VCAN: variants seen among roughly 807,000 people sequenced by gnomAD.
VCAN encodes the protein versican core protein.
A neutral mutation model predicts 245.5 loss-of-function variants in VCAN; 44 were observed. That is an observed-to-expected ratio of 0.18 (90% CI 0.14 to 0.23). The LOEUF (loss-of-function observed/expected upper bound fraction) is 0.23, where lower values mean the gene tolerates loss of function less well. VCAN is among the 10% of genes least tolerant of loss of function. The pLI is 1.00. For missense variants in VCAN, 3,793 were observed against 4,057.9 expected (o/e 0.93, Z 1.77); for synonymous variants, 1,413 against 1,437.0 (o/e 0.98, Z 0.38).
Position 83,538,080 on chromosome 5 carries a change from T to G in VCAN, c.5077T>G (p.Ser1693Ala). The G allele has an allele frequency of 6.2e-7, 1 of 1,614,090 alleles. No homozygotes were observed. The highest frequency in any genetic ancestry group is 1.7e-5 in the Admixed American group (1 of 59,994). ...TCCTGCAACCACCATTTATCCAGTT[T>G]CTGAACAACCTTCTGCAAAAGTGGT... ...EVPATTIYPVSEQPSAKVVPT... is the reference protein window; with the variant it reads ...EVPATTIYPVAEQPSAKVVPT... Residue 1693 changes from serine (S) to alanine (A), a missense_variant, in exon 8 of 15, where the codon TCT becomes GCT. Transcript: ENST00000265077.
Position 83,540,423 on chromosome 5 carries a change from G to T in VCAN, c.7420G>T (p.Ala2474Ser). The T allele has an allele frequency of 6.2e-7, 1 of 1,613,996 alleles. No individual in the cohort carries two copies. Among genetic ancestry groups the T allele is most frequent in the South Asian group, 1.1e-5 (1 of 91,082 alleles). The change falls in exon 8 of 15, where the codon GCT (alanine) becomes TCT (serine). Residue 2474 changes from alanine (A) to serine (S), a missense_variant. Coordinates refer to ENST00000265077, the MANE Select transcript of VCAN (RefSeq NM_004385.5). ...GGAAAAACATCCTGAGGTGCCAAGCGCTAAAGCTGTTACTGCTGATGGATT... is the reference window on the plus strand; with the variant it reads ...GGAAAAACATCCTGAGGTGCCAAGCTCTAAAGCTGTTACTGCTGATGGATT... Reference protein sequence around the residue: ...SLEKHPEVPSAKAVTADGFPT... With the variant: ...SLEKHPEVPSSKAVTADGFPT...
chr5:83,507,262 T>C (rs1388037361), intron 5 of VCAN, among the ~76,000 whole-genome samples: 3 of 152,200 alleles, frequency 2.0e-5, no homozygotes, highest in Admixed American at 2.0e-4. Flanking sequence ...AGATGCTTGT[T>C]TTCCAGGAAA....
Position 83,580,059 on chromosome 5 carries a change from G to C in VCAN, c.9960G>C (p.Leu3320=), listed in dbSNP as rs1802711. ...KMKPRYEINS[L]IRYHCKDGFI... Reference sequence around the variant, plus strand: ...AACCTCGTTATGAAATCAACTCCCTGATTAGATACCACTGCAAAGATGGTT... The same window carrying C: ...AACCTCGTTATGAAATCAACTCCCTCATTAGATACCACTGCAAAGATGGTT... Residue 3320 remains leucine, a synonymous_variant, in exon 14 of 15, where the codon CTG becomes CTC. Transcript: ENST00000265077. 2.9e-4 allele frequency: 468 copies of C among 1,614,098 alleles called. 3 individuals carry two copies. In the African/African-American group the frequency reaches 5.7e-3, roughly 20 times the overall value.
intron 1 of VCAN, among the ~76,000 whole-genome samples, chr5:83,478,130 T>A (rs938823613): frequency 6.6e-6 from 1 of 151,680 alleles, no homozygotes; most frequent in Non-Finnish European, 1.5e-5. Context: ...TTTAGTAGAG[T>A]GGGGTTTCAC....
chr5:83,493,740 C>T lies in VCAN; in HGVS notation c.620+20C>T, dbSNP rs374314563. ...TGTCAGGTAAGAGGTCTGGGGGCCA[C>T]AGGCTTCATTATTAACTTGAGAGTG... On this transcript the variant is annotated intron_variant, in intron 4 of 14. Transcript: ENST00000265077. The T allele has an allele frequency of 2.5e-6, 4 of 1,614,022 alleles. No homozygotes were observed. The African/African-American group carries it at 5.3e-5, about 22-fold the overall frequency.
At chr5:83,557,638 T>C (rs886575860) in intron 12 of VCAN, among the ~76,000 whole-genome samples, 3 of 152,166 alleles carry the variant, frequency 2.0e-5, no homozygotes, top group East Asian at 3.8e-4. Flanking sequence ...AACATAACAG[T>C]GACTATTTCC....
At chr5:83,557,192 T>A (rs1747705137) in intron 12 of VCAN, among the ~76,000 whole-genome samples, 1 of 152,130 alleles carries the variant, frequency 6.6e-6, no homozygotes, top group African/African-American at 2.4e-5. Context: ...GAAAAATCTT[T>A]TTTTCCTACA....
At chr5:83,514,422 G>A (rs1745773158) in intron 6 of VCAN, among the ~76,000 whole-genome samples, 1 of 133,352 alleles carries the variant, frequency 7.5e-6, no homozygotes, top group Admixed American at 8.2e-5. Context: ...AAATTTTTTA[G>A]TGTATATGTG....
rs565741594 is a variant in VCAN, at chr5:83,480,406, G to A, written c.-6-3107G>A. On this transcript the variant is annotated intron_variant, in intron 1 of 14. Coordinates refer to ENST00000265077, the MANE Select transcript of VCAN (RefSeq NM_004385.5). ...GGTCACACCTTTGGTTTTTTTAAAT[G>A]AGATTTGACTCTCTAGATATTGACA... 5.9e-5 allele frequency among the ~76,000 whole-genome samples: 9 copies of A among 152,246 alleles called. No individual in the cohort carries two copies. In the East Asian group the frequency reaches 1.4e-3, roughly 23 times the overall value.
At chr5:83,518,568 TACAA>T (rs1200875024) in intron 6 of VCAN, among the ~76,000 whole-genome samples, 1 of 152,170 alleles carries the variant, frequency 6.6e-6, no homozygotes, top group Non-Finnish European at 1.5e-5. Context: ...CCTTAGGAGA[TACAA>T]ACAGAGTGTG....
In VCAN at chr5:83,520,349, A is replaced by T; in HGVS notation, c.2043A>T (p.Thr681=). 1.2e-6 allele frequency: 2 copies of T among 1,612,758 alleles called. No homozygotes were observed. The highest frequency in any genetic ancestry group is 1.7e-6 in the Non-Finnish European group (2 of 1,179,514). Residue 681 remains threonine (T), a synonymous_variant, in exon 7 of 15, where the codon ACA becomes ACT. Coordinates refer to ENST00000265077, the MANE Select transcript of VCAN (RefSeq NM_004385.5). ...VIYPSLQTEM[T]HRRERTETLI... ...ATCCTTCTCTACAAACAGAAATGAC[A>T]CATAGAAGAGAAAGAACAGAAACAC...
chr5:83,577,204 A>AT lies in VCAN; in HGVS notation c.9881-2775dup, dbSNP rs1748517960. On this transcript the variant is annotated intron_variant, in intron 13 of 14. Transcript: ENST00000265077. ...GGAGGTCTTATGATTCATGGCTTACATCCTGTCCCTGAGTAAACAATTTTA... is the reference window on the plus strand; with the variant it reads ...GGAGGTCTTATGATTCATGGCTTACATTCCTGTCCCTGAGTAAACAATTTTA... 2.6e-5 allele frequency among the ~76,000 whole-genome samples: 4 copies of AT among 152,192 alleles called. No homozygotes were observed. In the South Asian group the frequency reaches 8.3e-4, roughly 32 times the overall value.
At chr5:83,532,709 G>C (rs1318155449) in intron 7 of VCAN, among the ~76,000 whole-genome samples, 1 of 151,570 alleles carries the variant, frequency 6.6e-6, no homozygotes, top group Admixed American at 6.6e-5. Context: ...TCAACAACCT[G>C]TCTAAAAAAA....
chr5:83,569,222 C>T (rs879399000), intron 12 of VCAN, among the ~76,000 whole-genome samples: 1 of 152,070 alleles, frequency 6.6e-6, no homozygotes, highest in East Asian at 1.9e-4. Flanking sequence ...GGTCCAAAAG[C>T]AAGAACTTTT....
chr5:83,565,113 A>T (rs137873392), intron 12 of VCAN, among the ~76,000 whole-genome samples: 3 of 152,238 alleles, frequency 2.0e-5, no homozygotes, highest in African/African-American at 7.2e-5. Flanking sequence ...GCAGTATGAA[A>T]ACATTTGTAC....
At chr5:83,475,234 T>A (rs1744345948) in intron 1 of VCAN, among the ~76,000 whole-genome samples, 1 of 152,102 alleles carries the variant, frequency 6.6e-6, no homozygotes, top group Non-Finnish European at 1.5e-5. Context: ...TCAGCACCTA[T>A]TTAGGGAGTG....
At chr5:83,544,037 T>C (rs569448136) in intron 8 of VCAN, among the ~76,000 whole-genome samples, 1 of 152,238 alleles carries the variant, frequency 6.6e-6, no homozygotes, top group Non-Finnish European at 1.5e-5. Context: ...GTGGTAGGAA[T>C]AGTAATAGTA....
In VCAN at chr5:83,519,806, A is replaced by T. The variant is rs1462442384; in HGVS notation, c.1500A>T (p.Thr500=). ...IEQIEVGPLV[T]SMEILKHIPS... is the part of the protein sequence containing the mutation. ...AAATAGAAGTGGGTCCTTTGGTAAC[A>T]TCTATGGAAATCTTAAAGCACATTC... Residue 500 remains threonine (T), a synonymous_variant, in exon 7 of 15, where the codon ACA becomes ACT. Coordinates refer to ENST00000265077, the MANE Select transcript of VCAN (RefSeq NM_004385.5). 1 of 1,614,064 alleles carries T rather than the reference A, an allele frequency of 6.2e-7. No homozygotes were observed. The highest frequency in any genetic ancestry group is 1.3e-5 in the African/African-American group (1 of 74,948).
intron 5 of VCAN, among the ~76,000 whole-genome samples, chr5:83,505,092 G>A (rs1295561938): frequency 1.3e-5 from 2 of 152,038 alleles, no homozygotes; most frequent in Non-Finnish European, 2.9e-5. Flanking sequence ...GCGAGATACA[G>A]TTCAAGTTGA....
Sources: allele counts gnomAD v4.1 joint callset (sites outside exome capture counted in the v4.1 genomes callset), GRCh38; gene constraint gnomAD v4.1.1; transcripts MANE v1.5; gene names NCBI Gene and HGNC (gene_info 2026-07-23, HGNC 2026-07-21).